CHRM5: variants seen among roughly 807,000 people sequenced by gnomAD.
The protein encoded by CHRM5 is muscarinic acetylcholine receptor M5.
A neutral mutation model predicts 39.0 loss-of-function variants in CHRM5; 18 were observed. That is an observed-to-expected ratio of 0.46 (90% CI 0.32 to 0.68). The LOEUF is 0.68. CHRM5 is among the 30% of genes least tolerant of loss of function. CHRM5 has a pLI of 0.04. For synonymous variants in CHRM5, 241 were observed against 246.3 expected (o/e 0.98, Z 0.20); for missense variants, 515 against 651.1 (o/e 0.79, Z 2.28).
intron 1 of CHRM5, among the ~76,000 whole-genome samples, chr15:34,011,809 C>A (rs1423330247): frequency 2.6e-5 from 4 of 152,170 alleles, no homozygotes; most frequent in African/African-American, 9.7e-5. Context: ...TAATTTGCAT[C>A]TGTAGGCAGC....
intron 1 of CHRM5, among the ~76,000 whole-genome samples, chr15:34,028,750 A>G (rs116053091): frequency 0.018 from 2,798 of 152,252 alleles, 86 homozygotes; most frequent in African/African-American, 0.065. Context: ...AGGAAGTTTC[A>G]GTAACTTTCC....
At chr15:34,009,549 T>G (rs1435355061) in intron 1 of CHRM5, among the ~76,000 whole-genome samples, 1 of 151,774 alleles carries the variant, frequency 6.6e-6, no homozygotes, top group Non-Finnish European at 1.5e-5. Flanking sequence ...AGCAGTAAAA[T>G]AAAGAAAAAG....
chr15:34,013,304 C>T (rs1567466735), intron 1 of CHRM5, among the ~76,000 whole-genome samples: 1 of 152,158 alleles, frequency 6.6e-6, no homozygotes, highest in African/African-American at 2.4e-5. Flanking sequence ...TCAAGTAATC[C>T]ATCTGCCTTG....
intron 1 of CHRM5, among the ~76,000 whole-genome samples, chr15:33,995,631 A>T (rs1896901580): frequency 6.6e-6 from 1 of 152,188 alleles, no homozygotes; most frequent in Admixed American, 6.5e-5. Flanking sequence ...TTCTGCTCAG[A>T]CATTTTTCGA....
At chr15:34,006,155 C>CA (rs1325050294) in intron 1 of CHRM5, among the ~76,000 whole-genome samples, 1 of 151,966 alleles carries the variant, frequency 6.6e-6, no homozygotes, top group Non-Finnish European at 1.5e-5. Flanking sequence ...ACTAAAAATA[C>CA]AAAAAATTAA....
At chr15:33,990,588 A>G (rs1470465085) in intron 1 of CHRM5, 1 of 152,240 alleles carries the variant, frequency 6.6e-6, no homozygotes, top group Non-Finnish European at 1.5e-5. Flanking sequence ...ATAAACATTT[A>G]AAAATAAACA....
chr15:33,997,526 G>T (rs1038308621), intron 1 of CHRM5, among the ~76,000 whole-genome samples: 1 of 151,962 alleles, frequency 6.6e-6, no homozygotes, highest in South Asian at 2.1e-4. Flanking sequence ...ACCGTCATCC[G>T]CAACCCCCTG....
intron 1 of CHRM5, among the ~76,000 whole-genome samples, chr15:34,038,417 C>T (rs539011010): frequency 6.6e-6 from 1 of 152,348 alleles, no homozygotes; most frequent in South Asian, 2.1e-4. Context: ...GCGCCTCCGT[C>T]CCATAGTGGT....
At chr15:34,012,342 T>C (rs563408356) in intron 1 of CHRM5, among the ~76,000 whole-genome samples, 3 of 152,322 alleles carry the variant, frequency 2.0e-5, no homozygotes, top group South Asian at 2.1e-4. Context: ...CTTTGTTAAA[T>C]CATATGATTA....
At chr15:34,000,060 G>A (rs1239277759) in intron 1 of CHRM5, among the ~76,000 whole-genome samples, 2 of 152,118 alleles carry the variant, frequency 1.3e-5, no homozygotes, top group African/African-American at 2.4e-5. Flanking sequence ...CTTTGAGCTT[G>A]CTATTCCCTT....
At chr15:33,987,146 G>C (rs929600771) in intron 1 of CHRM5, among the ~76,000 whole-genome samples, 1 of 152,160 alleles carries the variant, frequency 6.6e-6, no homozygotes, top group African/African-American at 2.4e-5. Context: ...TCTGAGACCA[G>C]TGCAGTATTC....
rs937665565 is a variant in CHRM5 at position 34,065,844 on chromosome 15, C to T, written c.*1528C>T. The T allele has an allele frequency of 6.6e-5, 10 of 152,224 alleles. No individual in the cohort carries two copies. Among genetic ancestry groups the T allele is most frequent in the African/African-American group, 2.4e-4 (10 of 41,454 alleles). The allele number at this position is 152,224 out of a possible 1,614,324, so 9.4% of individuals were successfully genotyped here. On this transcript the variant is annotated 3_prime_UTR_variant, in exon 3 of 3. Transcript: ENST00000383263. The stretch of plus-strand genomic sequence containing the variant: ...CAGACATTATTTAACTCGTTGGTTA[C>T]ATCTGCAGCTGGACTTAAAAATCAC...
chr15:34,033,191 A>G (rs145068872), intron 1 of CHRM5, among the ~76,000 whole-genome samples: 46 of 152,272 alleles, frequency 3.0e-4, no homozygotes, highest in Middle Eastern at 3.4e-3. Context: ...CTCATTCACA[A>G]TGAAGTTTTA....
intron 1 of CHRM5, among the ~76,000 whole-genome samples, chr15:34,043,187 C>T (rs1250194698): frequency 6.6e-6 from 1 of 150,654 alleles, no homozygotes; most frequent in South Asian, 2.1e-4. Context: ...GCAGAGCTTG[C>T]AGTGAGCCGA....
chr15:34,056,963 CA>C (rs1900176506), intron 2 of CHRM5, among the ~76,000 whole-genome samples: 1 of 152,006 alleles, frequency 6.6e-6, no homozygotes, highest in Non-Finnish European at 1.5e-5. Flanking sequence ...CCCTTGAGCC[CA>C]AGAGGTTGAG....
chr15:34,048,810 C>T (rs373735500), intron 2 of CHRM5, among the ~76,000 whole-genome samples: 1 of 152,018 alleles, frequency 6.6e-6, no homozygotes, highest in South Asian at 2.1e-4. Flanking sequence ...GGTCAGTATC[C>T]TCCTGGGATG....
In CHRM5 at chr15:33,994,999, C is replaced by T. The variant is rs1294755568; in HGVS notation, c.-408+25849C>T. 2.0e-5 allele frequency among the ~76,000 whole-genome samples: 3 copies of T among 152,154 alleles called. No individual in the cohort carries two copies. In the East Asian group the frequency reaches 5.8e-4, roughly 29 times the overall value. On this transcript the variant is annotated intron_variant, in intron 1 of 2. Coordinates refer to ENST00000383263, the MANE Select transcript of CHRM5 (RefSeq NM_012125.4). ...AATACTGGCCAGGCACAGTGGCTCA[C>T]ACCTGTAATCTCAGCACTTTGGGAG...
intron 2 of CHRM5, among the ~76,000 whole-genome samples, chr15:34,048,189 A>T (rs1170416509): frequency 6.6e-6 from 1 of 152,240 alleles, no homozygotes; most frequent in Non-Finnish European, 1.5e-5. Flanking sequence ...CTGCTTCTTT[A>T]AGCAGGACCC....
rs1898596388 is a variant in CHRM5, at chr15:34,028,317, C to A, written c.-407-18223C>A. Among the ~76,000 whole-genome samples the A allele has an allele frequency of 2.0e-5, 3 of 152,308 alleles. No homozygotes were observed. In the East Asian group the frequency reaches 5.8e-4, roughly 29 times the overall value. On this transcript the variant is annotated intron_variant, in intron 1 of 2. Transcript: ENST00000383263. ...CAGTGGCTCACACCTGTAGTCCCAG[C>A]ACTTTGGGAAGCCAAGGCAGGTGGT...
Sources: gnomAD v4.1 joint callset for allele counts (sites outside exome capture counted in the v4.1 genomes callset) on GRCh38, gnomAD v4.1.1 for gene constraint, MANE v1.5 for transcripts, NCBI Gene and HGNC (gene_info 2026-07-23, HGNC 2026-07-21) for gene names.